NRG1: variants seen among roughly 807,000 people sequenced by gnomAD.
The protein encoded by NRG1 is pro-neuregulin-1, membrane-bound isoform.
In NRG1, 18 loss-of-function variants were observed where a neutral mutation model predicts 63.8. The observed-to-expected ratio is 0.28, with a 90% CI of 0.19 to 0.42. The LOEUF (loss-of-function observed/expected upper bound fraction) is 0.42. Ranked by LOEUF, NRG1 falls within the 10% of genes least tolerant of loss-of-function variation. The pLI, the probability that NRG1 is intolerant of heterozygous loss-of-function variation, is 1.00. For missense variants in NRG1, 762 were observed against 814.7 expected (o/e 0.94, Z 0.79); for synonymous variants, 302 against 301.3 (o/e 1.00, Z -0.02).
intron 1 of NRG1, among the ~76,000 whole-genome samples, chr8:32,576,529 G>A (rs1043160257): frequency 6.6e-5 from 10 of 151,764 alleles, no homozygotes; most frequent in Admixed American, 3.9e-4. Context: ...TTTACCCAGG[G>A]CAATAAATCT....
chr8:32,065,966 T>G (rs1824734798), intron 1 of NRG1, among the ~76,000 whole-genome samples: 1 of 152,254 alleles, frequency 6.6e-6, no homozygotes, highest in Non-Finnish European at 1.5e-5. Context: ...ATGTTTCTTT[T>G]GGCCGCATAA....
chr8:31,927,867 T>C (rs1218580439), intron 1 of NRG1, among the ~76,000 whole-genome samples: 1 of 150,360 alleles, frequency 6.7e-6, no homozygotes, highest in African/African-American at 2.4e-5. Flanking sequence ...AAAATTTTAT[T>C]ATTATTATTA....
At chr8:32,447,143 C>T (rs954142459) in intron 1 of NRG1, among the ~76,000 whole-genome samples, 44 of 151,934 alleles carry the variant, frequency 2.9e-4, no homozygotes, top group Middle Eastern at 6.8e-3. Context: ...CCTCAGCCTC[C>T]CACGTAGCTG....
chr8:31,829,713 T>C (rs753798880), intron 1 of NRG1, among the ~76,000 whole-genome samples: 3 of 152,224 alleles, frequency 2.0e-5, no homozygotes, highest in Non-Finnish European at 4.4e-5. Flanking sequence ...TGCAGCAGGT[T>C]GAGTGGCTCT....
intron 1 of NRG1, among the ~76,000 whole-genome samples, chr8:32,556,119 C>A (rs375454713): frequency 5.3e-5 from 8 of 152,248 alleles, no homozygotes; most frequent in African/African-American, 1.9e-4. Context: ...GTAGGTCATA[C>A]CTGGCTGAAT....
At chr8:32,684,343 A>T (rs925732462) in intron 5 of NRG1, among the ~76,000 whole-genome samples, 1 of 152,134 alleles carries the variant, frequency 6.6e-6, no homozygotes, top group African/African-American at 2.4e-5. Context: ...AAAATATTTG[A>T]TTTTTGCTTT....
At chr8:32,147,763 C>G (rs1837039447) in intron 1 of NRG1, among the ~76,000 whole-genome samples, 1 of 152,178 alleles carries the variant, frequency 6.6e-6, no homozygotes, top group South Asian at 2.1e-4. Flanking sequence ...AACAGCACAC[C>G]TATCCACGTA....
intron 1 of NRG1, among the ~76,000 whole-genome samples, chr8:31,812,626 T>G: frequency 6.6e-6 from 1 of 151,192 alleles, no homozygotes; most frequent in African/African-American, 2.4e-5. Flanking sequence ...CCCATCCCCT[T>G]TCCTCCCTTC....
intron 1 of NRG1, among the ~76,000 whole-genome samples, chr8:32,574,154 T>A (rs948389993): frequency 6.6e-6 from 1 of 152,088 alleles, no homozygotes; most frequent in African/African-American, 2.4e-5. Context: ...CTTTTAAAGA[T>A]CTTAGGAGCA....
intron 1 of NRG1, among the ~76,000 whole-genome samples, chr8:31,773,655 T>C (rs1468720919): frequency 6.6e-6 from 1 of 152,210 alleles, no homozygotes; most frequent in African/African-American, 2.4e-5. Flanking sequence ...AGTTTTCTCT[T>C]AGAAGTGCAT....
chr8:32,048,313 G>T (rs1821356351), intron 1 of NRG1, among the ~76,000 whole-genome samples: 1 of 148,988 alleles, frequency 6.7e-6, no homozygotes, highest in Non-Finnish European at 1.5e-5. Context: ...ATACATATAT[G>T]TATGTATATA....
Position 32,044,913 on chromosome 8 carries a change from C to CAAAAAAAAAAAAAAAAAAAAAAAAAA in NRG1, c.37+405500_37+405501insAAAAAAAAAAAAAAAAAAAAAAAAAA. On this transcript the variant is annotated intron_variant, in intron 1 of 10. Coordinates refer to the NRG1 transcript ENST00000519301. ...CCTTAAGAACTTACATAAAGAAAAG[C>CAAAAAAAAAAAAAAAAAAAAAAAAAA]AAAAAAAAAAAAAAAAAACACACAC... Among the ~76,000 whole-genome samples, 21 of 57,146 alleles carry CAAAAAAAAAAAAAAAAAAAAAAAAAA rather than the reference C, an allele frequency of 3.7e-4. 1 individual carries two copies. Among genetic ancestry groups the CAAAAAAAAAAAAAAAAAAAAAAAAAA allele is most frequent in the Non-Finnish European group, 6.5e-4 (19 of 29,434 alleles). 37.5% of individuals were successfully genotyped at this position (57,146 alleles called of 152,430 possible).
intron 1 of NRG1, among the ~76,000 whole-genome samples, chr8:31,658,547 C>G (rs1025709257): frequency 2.0e-5 from 3 of 152,168 alleles, no homozygotes; most frequent in Non-Finnish European, 2.9e-5. Flanking sequence ...ACTACAAACT[C>G]TACCTCCCTG....
At chr8:32,377,811 GC>G (rs1255498189) in intron 1 of NRG1, among the ~76,000 whole-genome samples, 1 of 152,116 alleles carries the variant, frequency 6.6e-6, no homozygotes, top group Non-Finnish European at 1.5e-5. Context: ...CTAATACCAA[GC>G]CCTTCTTTCT....
At chr8:32,420,693 A>T (rs1035110644) in intron 1 of NRG1, among the ~76,000 whole-genome samples, 3 of 152,012 alleles carry the variant, frequency 2.0e-5, no homozygotes, top group African/African-American at 7.3e-5. Context: ...CAATGTAGGG[A>T]TTTGTCAGGT....
At chr8:32,127,418 C>T (rs781015464) in intron 1 of NRG1, among the ~76,000 whole-genome samples, 8 of 151,684 alleles carry the variant, frequency 5.3e-5, no homozygotes, top group Non-Finnish European at 1.2e-4. Flanking sequence ...CACCATGAAC[C>T]TGAGGAGGAA....
rs1845073877 is a variant in NRG1, at chr8:32,215,061, A to G, written c.38-380767A>G. Among the ~76,000 whole-genome samples the G allele has an allele frequency of 5.9e-5, 9 of 152,352 alleles. No homozygotes were observed. In the South Asian group the frequency reaches 1.9e-3, roughly 32 times the overall value. ...ACCCAGTCAAATTGGAATTTCAGAT[A>G]AACAACAAATAATTTTTAGCAGAAT... On this transcript the variant is annotated intron_variant, in intron 1 of 10. Transcript: ENST00000519301.
chr8:32,588,647 C>T lies in NRG1; in HGVS notation c.101-7181C>T, dbSNP rs541322189. The stretch of plus-strand genomic sequence containing the variant: ...ATTATTCAGTAGTTCATATACACAT[C>T]GTTGGATTACATAAGGAGCTGGACA... On this transcript the variant is annotated intron_variant, in intron 1 of 11. Transcript: ENST00000356819. Among the ~76,000 whole-genome samples, 35 of 152,294 alleles carry T rather than the reference C, an allele frequency of 2.3e-4. No individual in the cohort carries two copies. The East Asian group carries it at 6.4e-3, about 28-fold the overall frequency.
At chr8:32,711,706 T>C (rs1455565376) in intron 5 of NRG1, among the ~76,000 whole-genome samples, 1 of 152,156 alleles carries the variant, frequency 6.6e-6, no homozygotes, top group African/African-American at 2.4e-5. Context: ...TTGCTTCTCA[T>C]TTCTCCAGTT....
Sources: gnomAD v4.1 joint callset for allele counts (sites outside exome capture counted in the v4.1 genomes callset) on GRCh38, gnomAD v4.1.1 for gene constraint, MANE v1.5 for transcripts, NCBI Gene and HGNC (gene_info 2026-07-23, HGNC 2026-07-21) for gene names.